Variants in ZNF358 observed in about 807,000 individuals in gnomAD.
ZNF358 encodes zinc finger protein 358.
Under a neutral mutation model 2.1 loss-of-function variants are expected in ZNF358, and 1 was observed. That is an observed-to-expected ratio of 0.49 (90% confidence interval 0.17 to 2.30). The LOEUF (loss-of-function observed/expected upper bound fraction) is 2.30. Ranked by LOEUF, ZNF358 falls within the 30% of genes most tolerant of loss-of-function variation. The pLI is 0.26. For missense variants in ZNF358, 665 were observed against 806.8 expected (o/e 0.82, Z 2.13); for synonymous variants, 381 against 359.7 (o/e 1.06, Z -0.67).
At position 7,519,064 on chromosome 19, in the gene ZNF358, CAAAAAAA is replaced by C. The variant is rs397859220; in HGVS notation, c.-38-124_-38-118del. On this transcript the variant is annotated intron_variant, in intron 1 of 1. Transcript: ENST00000597229. ...TTGGCAACAGAACGAGACCCCATCT[CAAAAAAA>C]AAAAAAAAAAAAAAAAGAAGTGGGT... is the stretch of plus-strand genomic sequence containing the variant. 2.5e-4 allele frequency: 142 copies of C among 577,244 alleles called. No homozygotes were observed. In the Middle Eastern group the frequency reaches 2.5e-3, roughly 10 times the overall value. The allele number at this position is 577,244 out of a possible 1,614,324, so 35.8% of individuals were successfully genotyped here. A position where few individuals can be genotyped will look rare whatever the true frequency, so the allele number is the denominator to read the frequency against.
At position 7,518,494 on chromosome 19, in the gene ZNF358, G is replaced by A. The variant is rs145273378; in HGVS notation, c.-38-711G>A. 1.3e-3 allele frequency among the ~76,000 whole-genome samples: 198 copies of A among 147,918 alleles called. 1 individual carries two copies. Among genetic ancestry groups the A allele is most frequent in the African/African-American group, 4.6e-3 (184 of 39,578 alleles). On this transcript the variant is annotated intron_variant, in intron 1 of 1. Coordinates refer to ENST00000597229, the MANE Select transcript of ZNF358 (RefSeq NM_018083.5). ...GAAAGGAAAGAAGGAAGGAAAGAAGGAAGAAGAGAGAGAAGGAAGGAAAAG... is the reference window on the plus strand; with the variant it reads ...GAAAGGAAAGAAGGAAGGAAAGAAGAAAGAAGAGAGAGAAGGAAGGAAAAG...
chr19:7,520,490 C>G lies in ZNF358; in HGVS notation c.1248C>G (p.Ala416=), dbSNP rs1246733147. ...AAAAAAAAAA[A]GLGLGPGLSP... ...CCGCTGCAGCTGCAGCAGCGGCCGCCGGCCTGGGCCTCGGGCCTGGCCTAA... is the reference window on the plus strand; with the variant it reads ...CCGCTGCAGCTGCAGCAGCGGCCGCGGGCCTGGGCCTCGGGCCTGGCCTAA... The change falls in exon 2 of 2, where the codon GCC becomes GCG. Residue 416 remains alanine (A), a synonymous_variant. Coordinates refer to ENST00000597229, the MANE Select transcript of ZNF358 (RefSeq NM_018083.5). The surrounding 1 kb of genome is among the most constrained non-coding windows in gnomAD (Gnocchi z 6.0). 2 of 1,219,422 alleles carry G rather than the reference C, an allele frequency of 1.6e-6. No individual in the cohort carries two copies. The highest frequency in any genetic ancestry group is 3.0e-5 in the Admixed American group (1 of 33,192). The allele number at this position is 1,219,422 out of a possible 1,614,324, so 75.5% of individuals were successfully genotyped here.
In ZNF358 at chr19:7,520,736, T is replaced by C. The variant is rs1343280746; in HGVS notation, c.1494T>C (p.Ala498=). The C allele has an allele frequency of 1.9e-6, 3 of 1,613,708 alleles. No homozygotes were observed. Among genetic ancestry groups the C allele is most frequent in the African/African-American group, 2.7e-5 (2 of 74,820 alleles). ...PTPVESSDPK[A]GHDAGPDLVP... The stretch of plus-strand genomic sequence containing the variant: ...CTGTGGAATCTTCTGACCCAAAGGC[T>C]GGGCACGACGCTGGTCCCGACCTTG... The change falls in exon 2 of 2, where the codon GCT becomes GCC. Residue 498 remains alanine (A), a synonymous_variant. Transcript: ENST00000597229. This position sits in a 1 kb window ranked among gnomAD's most constrained non-coding sequence, Gnocchi z 6.0.
In ZNF358 at chr19:7,519,201, G is replaced by A; in HGVS notation, c.-38-4G>A. ...CCCTCTACCCTCTATCCTTGCCCTTGCAGGTCTTGCCCCAGAAGCTGCGGG... is the reference window on the plus strand; with the variant it reads ...CCCTCTACCCTCTATCCTTGCCCTTACAGGTCTTGCCCCAGAAGCTGCGGG... On this transcript the variant is annotated splice_region_variant and splice_polypyrimidine_tract_variant and intron_variant, in intron 1 of 1. Coordinates refer to ENST00000597229, the MANE Select transcript of ZNF358 (RefSeq NM_018083.5). 3.1e-6 allele frequency: 5 copies of A among 1,591,984 alleles called. No individual in the cohort carries two copies. The highest frequency in any genetic ancestry group is 4.3e-6 in the Non-Finnish European group (5 of 1,170,004).
rs1397668773 is a variant in ZNF358, at chr19:7,520,580, C to T, written c.1338C>T (p.Leu446=). 21 of 1,326,564 alleles carry T rather than the reference C, an allele frequency of 1.6e-5. No individual in the cohort carries two copies. Among genetic ancestry groups the T allele is most frequent in the African/African-American group, 4.4e-5 (3 of 68,356 alleles). 82.2% of individuals were successfully genotyped at this position (1,326,564 alleles called of 1,614,324 possible). A position where few individuals can be genotyped will look rare whatever the true frequency, so the allele number is the denominator to read the frequency against. ...TGGGTCCTGATGCTGTTTCTGTGCT[C>T]GGCTCTGGCTTGGGCCTCAGCCCTG... The part of the protein sequence containing the change: ...SLLGPDAVSV[L]GSGLGLSPGT... The change falls in exon 2 of 2, where the codon CTC becomes CTT. Residue 446 remains leucine, a synonymous_variant. Transcript: ENST00000597229. The surrounding 1 kb of genome is among the most constrained non-coding windows in gnomAD (Gnocchi z 6.0).
upstream of ZNF358, chr19:7,514,080 A>G (rs1416906834): frequency 6.6e-6 from 1 of 152,220 alleles, no homozygotes; most frequent in Non-Finnish European, 1.5e-5. Flanking sequence ...ATCTTGGTGC[A>G]TATTGTCCTC....
In ZNF358 at chr19:7,519,349, T is replaced by A. The variant is rs200448071; in HGVS notation, c.107T>A (p.Leu36Gln). The A allele has an allele frequency of 6.2e-7, 1 of 1,613,550 alleles. No homozygotes were observed. Among genetic ancestry groups the A allele is most frequent in the Non-Finnish European group, 8.5e-7 (1 of 1,179,494 alleles). The part of the protein sequence containing the change: ...SEDLDPNPED[L>Q]DPVSEDPEPD... ...GACCTAGACCCCAATCCTGAAGATCTGGACCCGGTTTCTGAAGACCCAGAG... is the reference window on the plus strand; with the variant it reads ...GACCTAGACCCCAATCCTGAAGATCAGGACCCGGTTTCTGAAGACCCAGAG... The change falls in exon 2 of 2, where the codon CTG becomes CAG. Residue 36 changes from leucine (L) to glutamine (Q), a missense_variant. Transcript: ENST00000597229.
chr19:7,519,686 C>T lies in ZNF358; in HGVS notation c.444C>T (p.Pro148=), dbSNP rs1057493438. 4 of 1,587,708 alleles carry T rather than the reference C, an allele frequency of 2.5e-6. No individual in the cohort carries two copies. The African/African-American group carries it at 4.0e-5, about 16-fold the overall frequency. ...PAVLPAPASP[P]RPFSCPDCGR... ...TGCTCCCCGCCCCCGCCAGCCCGCC[C>T]CGGCCCTTCTCCTGCCCGGATTGCG... Residue 148 remains proline, a synonymous_variant, in exon 2 of 2, where the codon CCC becomes CCT. Coordinates refer to ENST00000597229, the MANE Select transcript of ZNF358 (RefSeq NM_018083.5).
chr19:7,518,593 A>AAGAAAG (rs1420211326), intron 1 of ZNF358, among the ~76,000 whole-genome samples: 1 of 150,400 alleles, frequency 6.6e-6, no homozygotes, highest in African/African-American at 2.5e-5. Flanking sequence ...GAAAGAAAGA[A>AAGAAAG]AGAAAGAATT....
Position 7,516,149 on chromosome 19 carries a change from G to T in ZNF358, c.-139G>T. On this transcript the variant is annotated 5_prime_UTR_variant, in exon 1 of 2. Transcript: ENST00000597229. The surrounding 1 kb of genome is among the most constrained non-coding windows in gnomAD (Gnocchi z 5.9). ...CCTGGCGGGGCCGCTGGGCCGAGGG[G>T]GCCGCCGGCGGGGCTGGCGGGCGGG... is the stretch of plus-strand genomic sequence containing the variant. The T allele has an allele frequency of 6.9e-6, 1 of 145,892 alleles. No homozygotes were observed. Among genetic ancestry groups the T allele is most frequent in the South Asian group, 2.0e-4 (1 of 4,912 alleles). The allele number at this position is 145,892 out of a possible 1,614,324, so 9.0% of individuals were successfully genotyped here. A position where few individuals can be genotyped will look rare whatever the true frequency, so the allele number is the denominator to read the frequency against.
At chr19:7,514,622 T>A (rs555316111), upstream of ZNF358, among the ~76,000 whole-genome samples, 174 of 152,144 alleles carry the variant, frequency 1.1e-3, 1 homozygote, top group Middle Eastern at 6.8e-3. Context: ...TACTTGGTGG[T>A]TTGCATTTTT....
At position 7,519,770 on chromosome 19, in the gene ZNF358, G is replaced by GA; in HGVS notation, c.530dup (p.Pro178AlafsTer221). The GA allele has an allele frequency of 6.7e-7, 1 of 1,502,416 alleles. No homozygotes were observed. The highest frequency in any genetic ancestry group is 8.8e-7 in the Non-Finnish European group (1 of 1,132,140). The allele number at this position is 1,502,416 out of a possible 1,614,324, so 93.1% of individuals were successfully genotyped here. A position where few individuals can be genotyped will look rare whatever the true frequency, so the allele number is the denominator to read the frequency against. ...AGCATCGCCGCACGCACAGCGGCGA[G>GA]AAGCCGTACCGCTGCCCCGACTGCG... On this transcript the variant is annotated frameshift_variant, in exon 2 of 2. Coordinates refer to ENST00000597229, the MANE Select transcript of ZNF358 (RefSeq NM_018083.5). LOFTEE classifies it low-confidence loss of function (END_TRUNC).
In ZNF358 at chr19:7,520,473, G is replaced by A. The variant is rs555910869; in HGVS notation, c.1231G>A (p.Ala411Thr). 2.4e-6 allele frequency: 3 copies of A among 1,251,024 alleles called. No homozygotes were observed. Among genetic ancestry groups the A allele is most frequent in the African/African-American group, 3.3e-5 (2 of 61,320 alleles). 77.5% of individuals were successfully genotyped at this position (1,251,024 alleles called of 1,614,324 possible). A position where few individuals can be genotyped will look rare whatever the true frequency, so the allele number is the denominator to read the frequency against. The change falls in exon 2 of 2, where the codon GCT (alanine) becomes ACT (threonine). Residue 411 changes from alanine (A) to threonine (T), a missense_variant. Coordinates refer to ENST00000597229, the MANE Select transcript of ZNF358 (RefSeq NM_018083.5). This position sits in a 1 kb window ranked among gnomAD's most constrained non-coding sequence, Gnocchi z 6.0. ...TGCTGCAGCTGCCGCGGCCGCTGCA[G>A]CTGCAGCAGCGGCCGCCGGCCTGGG... is the stretch of plus-strand genomic sequence containing the variant. ...AAAAAAAAAA[A>T]AAAAAGLGLG...
rs752470126 is a variant in ZNF358 at position 7,519,572 on chromosome 19, C to T, written c.330C>T (p.Ser110=). ...TACCCCTGATTCTCGATCCTAACAG[C>T]GACACCCTCAGCCCCGGCGATCCAA... ...GPVPLILDPN[S]DTLSPGDPKV... Residue 110 remains serine, a synonymous_variant, in exon 2 of 2, where the codon AGC becomes AGT. Transcript: ENST00000597229. 1.0e-4 allele frequency: 165 copies of T among 1,601,374 alleles called. No homozygotes were observed. Among genetic ancestry groups the T allele is most frequent in the Non-Finnish European group, 1.4e-4 (162 of 1,179,940 alleles).
At chr19:7,519,089 A>AT in intron 1 of ZNF358, 116 bp from the exon 2 acceptor site, 1 of 1,083,666 alleles carries the variant, frequency 9.2e-7, no homozygotes. Context: ...AAAAAAAAAG[A>AT]AGTGGGTTCT....
rs1471080373 is a variant in ZNF358 at position 7,519,561 on chromosome 19, G to T, written c.319G>T (p.Asp107Tyr). Residue 107 changes from aspartate to tyrosine, a missense_variant, in exon 2 of 2, where the codon GAT becomes TAT. Coordinates refer to ENST00000597229, the MANE Select transcript of ZNF358 (RefSeq NM_018083.5). ...DVIGPVPLIL[D>Y]PNSDTLSPGD... ...GATTGGCCCCGTACCCCTGATTCTC[G>T]ATCCTAACAGCGACACCCTCAGCCC... The T allele has an allele frequency of 3.1e-6, 5 of 1,602,542 alleles. No individual in the cohort carries two copies. The highest frequency in any genetic ancestry group is 2.2e-5 in the South Asian group (2 of 91,056).
rs1182492329 is a variant in ZNF358 at position 7,519,614 on chromosome 19, C to T, written c.372C>T (p.Ser124=). ...GCGATCCAAAAGTGGACCCCATCTC[C>T]TCTGGCCTCACTGCCACCCCCCAGG... ...SPGDPKVDPI[S]SGLTATPQVL... The change falls in exon 2 of 2, where the codon TCC becomes TCT. Residue 124 remains serine, a synonymous_variant. Transcript: ENST00000597229. The T allele has an allele frequency of 1.3e-6, 2 of 1,597,998 alleles. No homozygotes were observed. The highest frequency in any genetic ancestry group is 1.1e-5 in the South Asian group (1 of 90,906).
rs115271426 is a variant in ZNF358 at position 7,516,992 on chromosome 19, C to G, written c.-39+743C>G. On this transcript the variant is annotated intron_variant, in intron 1 of 1. Transcript: ENST00000597229. The surrounding 1 kb of genome is among the most constrained non-coding windows in gnomAD (Gnocchi z 5.9). Reference sequence around the variant, plus strand: ...GGTTGAGGACCGCCGTCCAGGAACTCGGCTCTGTTTGCCTGCACACTCCCA... The same window carrying G: ...GGTTGAGGACCGCCGTCCAGGAACTGGGCTCTGTTTGCCTGCACACTCCCA... Among the ~76,000 whole-genome samples the G allele has an allele frequency of 0.016, 2,383 of 152,232 alleles. 69 individuals carry two copies. Among genetic ancestry groups the G allele is most frequent in the African/African-American group, 0.055 (2,266 of 41,520 alleles).
chr19:7,515,306 T>C (rs1181130563), upstream of ZNF358: 4 of 151,998 alleles, frequency 2.6e-5, no homozygotes, highest in Non-Finnish European at 5.9e-5. Flanking sequence ...CAAGGAAAGT[T>C]TGCCCCGAGC....
Sources: gnomAD v4.1 joint callset for allele counts (sites outside exome capture counted in the v4.1 genomes callset) on GRCh38, gnomAD v4.1.1 for gene constraint, Gnocchi (gnomAD v3.1) non-coding constraint, MANE v1.5 for transcripts, NCBI Gene and HGNC (gene_info 2026-07-23, HGNC 2026-07-21) for gene names.